CTNND2: variants seen among roughly 807,000 people sequenced by gnomAD.
CTNND2 encodes catenin delta 2.
A neutral mutation model predicts 144.4 loss-of-function variants in CTNND2; 22 were observed. The ratio of observed to expected loss-of-function variants is 0.15; its 90% CI spans 0.11 to 0.22. The LOEUF is 0.22. CTNND2 is among the 10% of genes least tolerant of loss of function. CTNND2 has a pLI of 1.00. For missense variants in CTNND2, 1,353 were observed against 1,618.8 expected, an observed-to-expected ratio of 0.84 and a Z score of 2.82; for synonymous variants, 751 against 695.6, an observed-to-expected ratio of 1.08 and a Z score of -1.25.
At chr5:11,857,651 T>C (rs1376664153) in intron 1 of CTNND2, among the ~76,000 whole-genome samples, 8 of 152,152 alleles carry the variant, frequency 5.3e-5, no homozygotes, top group South Asian at 2.1e-4. Flanking sequence ...ATATATTAAG[T>C]ACGGGTTAAC....
At chr5:11,642,863 A>G (rs140667117) in intron 2 of CTNND2, among the ~76,000 whole-genome samples, 120 of 152,314 alleles carry the variant, frequency 7.9e-4, no homozygotes, top group Middle Eastern at 3.4e-3. Flanking sequence ...GTTACTGTGA[A>G]GTTCTAATTG....
intron 11 of CTNND2, among the ~76,000 whole-genome samples, chr5:11,180,135 G>T (rs1299129138): frequency 6.6e-6 from 1 of 152,100 alleles, no homozygotes; most frequent in East Asian, 1.9e-4. Context: ...ACTGCATCAT[G>T]GGGGGTGGTT....
intron 16 of CTNND2, among the ~76,000 whole-genome samples, chr5:11,077,071 C>T (rs1749024616): frequency 6.6e-6 from 1 of 151,944 alleles, no homozygotes. Flanking sequence ...GTTTTGCTGA[C>T]TTGGAGGTCA....
At chr5:11,658,934 ATAT>A (rs1783050013) in intron 2 of CTNND2, among the ~76,000 whole-genome samples, 2 of 152,224 alleles carry the variant, frequency 1.3e-5, no homozygotes, top group South Asian at 4.1e-4. Context: ...TATGAATTAA[ATAT>A]TATCATAAAA....
At chr5:11,024,849 G>A (rs6862438) in intron 16 of CTNND2, among the ~76,000 whole-genome samples, 25,670 of 152,020 alleles carry the variant, frequency 0.17, 3,655 homozygotes, top group East Asian at 0.53. Context: ...ATTAAGATGC[G>A]GGTCTCCCTG....
intron 2 of CTNND2, among the ~76,000 whole-genome samples, chr5:11,584,429 G>GA (rs1194613353): frequency 6.9e-6 from 1 of 145,708 alleles, no homozygotes; most frequent in Non-Finnish European, 1.5e-5. Flanking sequence ...TTTTTTTGGG[G>GA]GGGGGGAGGA....
chr5:11,008,746 T>C (rs1444369776), intron 18 of CTNND2, among the ~76,000 whole-genome samples: 1 of 152,162 alleles, frequency 6.6e-6, no homozygotes, highest in Non-Finnish European at 1.5e-5. Context: ...TATATAAGAT[T>C]AGGCTGAGGG....
chr5:11,477,086 C>T (rs895202190), intron 3 of CTNND2, among the ~76,000 whole-genome samples: 15 of 152,330 alleles, frequency 9.8e-5, no homozygotes, highest in Middle Eastern at 3.4e-3. Context: ...AAGAATGAGA[C>T]TGTGTTGATT....
At chr5:11,184,035 T>C (rs755103078) in intron 11 of CTNND2, among the ~76,000 whole-genome samples, 22 of 152,264 alleles carry the variant, frequency 1.4e-4, no homozygotes, top group Admixed American at 1.2e-3. Flanking sequence ...GACTGAAACA[T>C]AACAAAAACC....
chr5:11,883,366 G>T (rs1012338022), intron 1 of CTNND2, among the ~76,000 whole-genome samples: 1 of 152,018 alleles, frequency 6.6e-6, no homozygotes, highest in African/African-American at 2.4e-5. Context: ...AGCATGTAAT[G>T]TTCCTCTCCT....
At chr5:11,513,707 T>C (rs1771866409) in intron 3 of CTNND2, among the ~76,000 whole-genome samples, 1 of 152,196 alleles carries the variant, frequency 6.6e-6, no homozygotes, top group Admixed American at 6.5e-5. Flanking sequence ...AAAAAATCTC[T>C]TTAAGTACGT....
At chr5:11,002,523 G>T (rs1388083135) in intron 18 of CTNND2, among the ~76,000 whole-genome samples, 1 of 152,176 alleles carries the variant, frequency 6.6e-6, no homozygotes, top group Non-Finnish European at 1.5e-5. Flanking sequence ...AGAGAAGGTG[G>T]GAGGGGAGAG....
intron 3 of CTNND2, among the ~76,000 whole-genome samples, chr5:11,559,377 A>G (rs932457843): frequency 6.6e-6 from 1 of 152,194 alleles, no homozygotes; most frequent in Non-Finnish European, 1.5e-5. Flanking sequence ...TAAGGCTGAG[A>G]CAATAAATGT....
At chr5:11,901,323 A>T (rs1237521027) in intron 1 of CTNND2, among the ~76,000 whole-genome samples, 1 of 152,236 alleles carries the variant, frequency 6.6e-6, no homozygotes, top group Non-Finnish European at 1.5e-5. Flanking sequence ...CTAAATGCCA[A>T]AGTAATATTA....
At chr5:11,541,838 AC>A (rs71595823) in intron 3 of CTNND2, among the ~76,000 whole-genome samples, 18,831 of 75,028 alleles carry the variant, frequency 0.25, 1,603 homozygotes, top group Admixed American at 0.37. Context: ...TTTATTATCG[AC>A]CCCCCCCCCC....
At chr5:10,994,281 G>A (rs860435) in intron 18 of CTNND2, among the ~76,000 whole-genome samples, 21,245 of 48,024 alleles carry the variant, frequency 0.44, 5,696 homozygotes, top group South Asian at 0.61. Flanking sequence ...GAGCTGGGAC[G>A]GGGATGGAGG....
intron 2 of CTNND2, among the ~76,000 whole-genome samples, chr5:11,708,760 G>T (rs1053938948): frequency 6.6e-6 from 1 of 152,076 alleles, no homozygotes; most frequent in African/African-American, 2.4e-5. Context: ...TTAAGGCAGG[G>T]TAAGCACCAC....
At chr5:11,089,356 T>A (rs1230673193) in intron 15 of CTNND2, among the ~76,000 whole-genome samples, 1 of 152,206 alleles carries the variant, frequency 6.6e-6, no homozygotes, top group Non-Finnish European at 1.5e-5. Flanking sequence ...CCTCACCTCC[T>A]CCACTTCATT....
intron 9 of CTNND2, among the ~76,000 whole-genome samples, chr5:11,345,272 T>C (rs61750710): frequency 3.9e-5 from 6 of 152,172 alleles, no homozygotes; most frequent in East Asian, 1.9e-4. Context: ...ACACTGAACA[T>C]AGTAAACAAA....
Sources: gnomAD v4.1 joint callset for allele counts (sites outside exome capture counted in the v4.1 genomes callset) on GRCh38, gnomAD v4.1.1 for gene constraint, MANE v1.5 for transcripts, NCBI Gene and HGNC (gene_info 2026-07-23, HGNC 2026-07-21) for gene names.